The following DOCK5 variants were observed in gnomAD, a reference collection of about 807,000 sequenced individuals.
DOCK5 encodes the protein dedicator of cytokinesis protein 5.
In DOCK5, 142 loss-of-function variants were observed where a neutral mutation model predicts 251.8. The ratio of observed to expected loss-of-function variants is 0.56; its 90% CI spans 0.49 to 0.65. The LOEUF is 0.65. Ranked by LOEUF, DOCK5 falls within the 30% of genes least tolerant of loss-of-function variation. The pLI is 0.00. For missense variants in DOCK5, 2,111 were observed against 2,312.3 expected (o/e 0.91, Z 1.79); for synonymous variants, 842 against 835.5 (o/e 1.01, Z -0.13).
At chr8:25,385,127 C>G (rs187207322) in intron 40 of DOCK5, among the ~76,000 whole-genome samples, 3 of 152,178 alleles carry the variant, frequency 2.0e-5, no homozygotes, top group East Asian at 3.9e-4. Flanking sequence ...AGCTGGGGTG[C>G]CAGCGGGGAG....
At chr8:25,255,319 G>A (rs1323693644) in intron 2 of DOCK5, among the ~76,000 whole-genome samples, 2 of 152,170 alleles carry the variant, frequency 1.3e-5, no homozygotes, top group Non-Finnish European at 2.9e-5. Flanking sequence ...TTCTTCAGTA[G>A]GTGAATGGAT....
At chr8:25,289,036 G>A (rs1245771488) in intron 5 of DOCK5, among the ~76,000 whole-genome samples, 1 of 152,134 alleles carries the variant, frequency 6.6e-6, no homozygotes, top group East Asian at 1.9e-4. Flanking sequence ...TCTTTCCTTT[G>A]TGTTGCCACA....
chr8:25,375,533 C>G, intron 37 of DOCK5: 1 of 247,046 alleles, frequency 4.0e-6, no homozygotes, highest in African/African-American at 2.3e-5. Flanking sequence ...AGCCACCATG[C>G]TAGCCAATCC....
chr8:25,298,823 T>C (rs1477852516), intron 7 of DOCK5, 121 bp from the exon 8 acceptor site: 2 of 1,094,974 alleles, frequency 1.8e-6, no homozygotes, highest in Non-Finnish European at 2.5e-6. Flanking sequence ...ATTACAGGAA[T>C]GAGCCACTGT....
At chr8:25,189,046 C>CTTT (rs869176300) in intron 1 of DOCK5, among the ~76,000 whole-genome samples, 8 of 33,446 alleles carry the variant, frequency 2.4e-4, no homozygotes, top group South Asian at 2.0e-3. Context: ...TTCTTTCTTT[C>CTTT]TTTTTTTTTT....
At chr8:25,193,454 T>C (rs576507850) in intron 1 of DOCK5, among the ~76,000 whole-genome samples, 1 of 150,250 alleles carries the variant, frequency 6.7e-6, no homozygotes, top group Admixed American at 6.7e-5. Context: ...AATAGAAAAA[T>C]CACCAGCAAA....
chr8:25,393,882 G>A (rs1398607302), intron 44 of DOCK5, among the ~76,000 whole-genome samples: 2 of 152,210 alleles, frequency 1.3e-5, no homozygotes, highest in African/African-American at 2.4e-5. Context: ...TTAGCCTAAA[G>A]TAGGTGTTCA....
At chr8:25,351,008 A>C (rs1303731884) in intron 26 of DOCK5, among the ~76,000 whole-genome samples, 1 of 152,042 alleles carries the variant, frequency 6.6e-6, no homozygotes, top group Non-Finnish European at 1.5e-5. Flanking sequence ...TTTTGCCTTT[A>C]ATTTCCCACA....
chr8:25,228,129 G>A (rs1362777550), intron 1 of DOCK5, among the ~76,000 whole-genome samples: 1 of 152,200 alleles, frequency 6.6e-6, no homozygotes, highest in East Asian at 1.9e-4. Flanking sequence ...TGCCTGCCTT[G>A]GCCTCCCAAA....
At position 25,408,073 on chromosome 8, in the gene DOCK5, G is replaced by T; in HGVS notation, c.5184G>T (p.Arg1728=). The T allele has an allele frequency of 6.2e-7, 1 of 1,607,020 alleles. No individual in the cohort carries two copies. The highest frequency in any genetic ancestry group is 8.5e-7 in the Non-Finnish European group (1 of 1,176,680). The stretch of plus-strand genomic sequence containing the variant: ...TTAGAGAGGAGAACAGCGAGAACCG[G>T]ATCAGCAAGTTTAAGAGAAAAGACT... ...LSLREENSEN[R]ISKFKRKDWS... is the part of the protein sequence containing the mutation. Residue 1728 remains arginine (R), a synonymous_variant, in exon 49 of 52, where the codon CGG becomes CGT. Coordinates refer to ENST00000276440, the MANE Select transcript of DOCK5 (RefSeq NM_024940.8).
At chr8:25,295,474 G>C (rs888413825) in intron 6 of DOCK5, among the ~76,000 whole-genome samples, 2 of 152,108 alleles carry the variant, frequency 1.3e-5, no homozygotes, top group African/African-American at 4.8e-5. Context: ...GCAGAATTAA[G>C]TAAATTCTCC....
chr8:25,388,227 TTCTCTTTGTGCAA>T (rs1264047051), intron 40 of DOCK5, among the ~76,000 whole-genome samples: 1 of 152,266 alleles, frequency 6.6e-6, no homozygotes, highest in East Asian at 1.9e-4. Context: ...CCAGCTGATC[TTCTCTTTGTGCAA>T]TACATATTTT....
At chr8:25,357,373 CTTTTTTTTTTTTT>C (rs397891518) in intron 27 of DOCK5, among the ~76,000 whole-genome samples, 1 of 92,628 alleles carries the variant, frequency 1.1e-5, no homozygotes, top group African/African-American at 4.1e-5. Context: ...AAAAAATAAA[CTTTTTTTTTTTTT>C]TTTTTTTTTT....
chr8:25,375,105 T>C, intron 37 of DOCK5: 2 of 659,096 alleles, frequency 3.0e-6, no homozygotes, highest in South Asian at 7.5e-5. Context: ...TTTCTAGCCC[T>C]GAGCACCTTC....
At position 25,332,664 on chromosome 8, in the gene DOCK5, C is replaced by G; in HGVS notation, c.2063C>G (p.Thr688Ser). The G allele has an allele frequency of 6.2e-7, 1 of 1,612,318 alleles. No individual in the cohort carries two copies. The highest frequency in any genetic ancestry group is 8.5e-7 in the Non-Finnish European group (1 of 1,179,318). ...ATGATGGAAATGTCAGACAGTGAAA[C>G]CTATGACTTCCTTGTGTTTGACGCA... ...NIMMEMSDSE[T>S]YDFLVFDALV... The change falls in exon 20 of 52, where the codon ACC becomes AGC. Residue 688 changes from threonine (T) to serine (S), a missense_variant. Thr to Ser is a moderately conservative substitution (Grantham distance 58). This residue lies in a region of DOCK5 where 1,717 missense variants were observed against 1,892.4 expected (regional missense o/e 0.91). Transcript: ENST00000276440.
chr8:25,215,112 AGAGGGAG>A (rs1802208532), intron 1 of DOCK5, among the ~76,000 whole-genome samples: 2 of 152,106 alleles, frequency 1.3e-5, no homozygotes, highest in South Asian at 4.1e-4. Flanking sequence ...TCCATTTTGG[AGAGGGAG>A]TCATCCAGCC....
chr8:25,410,959 G>GTGTGTT, intron 51 of DOCK5, among the ~76,000 whole-genome samples: 1 of 29,880 alleles, frequency 3.3e-5, no homozygotes, highest in South Asian at 1.7e-3. Flanking sequence ...GTGTGTGTGT[G>GTGTGTT]TGTGTGTGTG....
intron 2 of DOCK5, among the ~76,000 whole-genome samples, chr8:25,261,984 TTATAG>T (rs1803597982): frequency 1.3e-5 from 2 of 152,240 alleles, no homozygotes; most frequent in Non-Finnish European, 2.9e-5. Context: ...TATATCATAG[TTATAG>T]TATAGTAAGT....
At chr8:25,330,003 G>A (rs1465150940) in intron 18 of DOCK5, among the ~76,000 whole-genome samples, 1 of 152,156 alleles carries the variant, frequency 6.6e-6, no homozygotes, top group African/African-American at 2.4e-5. Context: ...CTGGCATGCA[G>A]ATATCACTAG....
Sources: gnomAD v4.1 joint callset for allele counts (sites outside exome capture counted in the v4.1 genomes callset) on GRCh38, gnomAD v4.1.1 for gene constraint, gnomAD v4.1.1 regional missense constraint, MANE v1.5 for transcripts, NCBI Gene and HGNC (gene_info 2026-07-23, HGNC 2026-07-21) for gene names.